Variants in PPM1H observed in about 807,000 individuals in gnomAD.
The protein encoded by PPM1H is protein phosphatase 1H.
In PPM1H, 27 loss-of-function variants were observed where a neutral mutation model predicts 54.9. That is an observed-to-expected ratio of 0.49 (90% CI 0.36 to 0.68). The LOEUF is 0.68. PPM1H is among the 30% of genes least tolerant of loss of function. PPM1H has a pLI of 0.00. For synonymous variants in PPM1H, 305 were observed against 270.8 expected (o/e 1.13, Z -1.24); for missense variants, 596 against 667.8 (o/e 0.89, Z 1.19).
chr12:62,679,915 A>T (rs2076009474), intron 8 of PPM1H, among the ~76,000 whole-genome samples: 2 of 152,246 alleles, frequency 1.3e-5, no homozygotes, highest in African/African-American at 4.8e-5. Context: ...CTGGAAAGAC[A>T]GATGATTATT....
At chr12:62,732,055 A>G (rs892974010) in intron 5 of PPM1H, among the ~76,000 whole-genome samples, 3 of 152,172 alleles carry the variant, frequency 2.0e-5, no homozygotes, top group African/African-American at 7.2e-5. Context: ...TTCAATCACC[A>G]TGGAGACCTT....
chr12:62,783,285 T>C (rs1005146009), intron 4 of PPM1H, among the ~76,000 whole-genome samples: 3 of 152,238 alleles, frequency 2.0e-5, no homozygotes, highest in Admixed American at 2.0e-4. Flanking sequence ...GCGTTTAAAA[T>C]AGCCTCTAAG....
chr12:62,672,607 C>T (rs899530490), intron 8 of PPM1H, among the ~76,000 whole-genome samples: 3 of 152,174 alleles, frequency 2.0e-5, no homozygotes, highest in African/African-American at 7.2e-5. Context: ...GGAATCTCAC[C>T]TTGAAAAACT....
rs1163836105 is a variant in PPM1H at position 62,644,926 on chromosome 12, A to AAAT, written c.*3560_*3562dup. On this transcript the variant is annotated 3_prime_UTR_variant, in exon 10 of 10. Transcript: ENST00000228705. The stretch of plus-strand genomic sequence containing the variant: ...TGTCCCAGAAGCACTAACTTACTGA[A>AAAT]AATAGAATCTCATCAAAGCTTAACA... 1.3e-5 allele frequency: 2 copies of AAAT among 152,216 alleles called. No homozygotes were observed. The highest frequency in any genetic ancestry group is 4.8e-5 in the African/African-American group (2 of 41,458). The allele number at this position is 152,216 out of a possible 1,614,324, so 9.4% of individuals were successfully genotyped here.
chr12:62,859,087 T>C (rs1869503247), intron 1 of PPM1H, among the ~76,000 whole-genome samples: 2 of 152,198 alleles, frequency 1.3e-5, no homozygotes, highest in South Asian at 4.1e-4. Flanking sequence ...TGGATACATA[T>C]GAATTCTATA....
At chr12:62,715,704 G>A (rs3843663) in intron 6 of PPM1H, among the ~76,000 whole-genome samples, 14 of 152,250 alleles carry the variant, frequency 9.2e-5, no homozygotes, top group Middle Eastern at 3.4e-3. Context: ...TGCCGGCGTG[G>A]TGCTCCTCTA....
chr12:62,872,999 G>A (rs1248484207), intron 1 of PPM1H, among the ~76,000 whole-genome samples: 1 of 152,012 alleles, frequency 6.6e-6, no homozygotes, highest in Non-Finnish European at 1.5e-5. Flanking sequence ...CTTTAAGACT[G>A]GCAAGAAAAA....
intron 4 of PPM1H, among the ~76,000 whole-genome samples, chr12:62,761,777 T>C (rs542513669): frequency 2.0e-5 from 3 of 152,278 alleles, no homozygotes; most frequent in Admixed American, 6.5e-5. Flanking sequence ...TAGGCTGCGG[T>C]AAGAGTCATT....
At chr12:62,710,948 A>G (rs1212493955) in intron 6 of PPM1H, among the ~76,000 whole-genome samples, 1 of 152,166 alleles carries the variant, frequency 6.6e-6, no homozygotes, top group Non-Finnish European at 1.5e-5. Flanking sequence ...GCTTTGTTCA[A>G]TGCACTCAAC....
chr12:62,884,515 A>AG (rs1555203635), intron 1 of PPM1H, among the ~76,000 whole-genome samples: 21 of 146,410 alleles, frequency 1.4e-4, no homozygotes, highest in South Asian at 4.3e-4. Flanking sequence ...AAAAAAAAAA[A>AG]AAAGAAAGAA....
chr12:62,675,592 G>C (rs2075980856), intron 8 of PPM1H, among the ~76,000 whole-genome samples: 1 of 152,232 alleles, frequency 6.6e-6, no homozygotes. Context: ...GTGAGGCAGA[G>C]AGTGACCATA....
Position 62,659,009 on chromosome 12 carries a change from A to G in PPM1H, c.1397+8169T>C, listed in dbSNP as rs1195934577. ...GCCCAACATTGGTTATGGGAGCAAC[A>G]GAAAAACAGCACATGCTGCCCAGTG... On this transcript the variant is annotated intron_variant, in intron 9 of 9. Coordinates refer to ENST00000228705, the MANE Select transcript of PPM1H (RefSeq NM_020700.2). 1.7e-5 allele frequency: 12 copies of G among 724,028 alleles called. No homozygotes were observed. In the East Asian group the frequency reaches 3.2e-4, roughly 19 times the overall value. The allele number at this position is 724,028 out of a possible 1,614,324, so 44.9% of individuals were successfully genotyped here. A position where few individuals can be genotyped will look rare whatever the true frequency, so the allele number is the denominator to read the frequency against.
At chr12:62,866,089 G>A (rs1869764647) in intron 1 of PPM1H, among the ~76,000 whole-genome samples, 1 of 152,162 alleles carries the variant, frequency 6.6e-6, no homozygotes, top group Non-Finnish European at 1.5e-5. Context: ...AGATGTGGGA[G>A]GGGTGTCATT....
intron 6 of PPM1H, among the ~76,000 whole-genome samples, chr12:62,712,638 A>G (rs2076213809): frequency 6.6e-6 from 1 of 152,294 alleles, no homozygotes; most frequent in African/African-American, 2.4e-5. Flanking sequence ...CTGAGTTTGA[A>G]TTTTTCAATT....
chr12:62,875,582 A>G (rs1298749761), intron 1 of PPM1H, among the ~76,000 whole-genome samples: 1 of 152,226 alleles, frequency 6.6e-6, no homozygotes, highest in Non-Finnish European at 1.5e-5. Context: ...TATATAGCAA[A>G]TCAAGGATGG....
At chr12:62,728,786 G>A (rs574829322) in intron 5 of PPM1H, among the ~76,000 whole-genome samples, 2 of 152,312 alleles carry the variant, frequency 1.3e-5, no homozygotes, top group African/African-American at 4.8e-5. Context: ...AGGGAGGGAA[G>A]CTAGCCCTGG....
chr12:62,780,871 T>C (rs559404117), intron 4 of PPM1H, among the ~76,000 whole-genome samples: 8 of 152,288 alleles, frequency 5.3e-5, no homozygotes, highest in African/African-American at 1.9e-4. Flanking sequence ...CTACCCTAGC[T>C]CAGCAGCCAG....
intron 4 of PPM1H, among the ~76,000 whole-genome samples, chr12:62,761,070 C>A (rs2076505891): frequency 6.6e-6 from 1 of 152,172 alleles, no homozygotes; most frequent in African/African-American, 2.4e-5. Context: ...TTCATGCAGG[C>A]TCCTTGACAG....
At chr12:62,697,254 G>A (rs1396155215) in intron 6 of PPM1H, among the ~76,000 whole-genome samples, 2 of 152,004 alleles carry the variant, frequency 1.3e-5, no homozygotes, top group Non-Finnish European at 2.9e-5. Flanking sequence ...AGCCTCCCAA[G>A]TAGCTGGGAT....
Sources: gnomAD v4.1 joint callset for allele counts (sites outside exome capture counted in the v4.1 genomes callset) on GRCh38, gnomAD v4.1.1 for gene constraint, MANE v1.5 for transcripts, NCBI Gene and HGNC (gene_info 2026-07-23, HGNC 2026-07-21) for gene names.